Variants in MSRB2 observed in about 807,000 individuals in gnomAD.
The protein encoded by MSRB2 is methionine-R-sulfoxide reductase B2, mitochondrial.
MSRB2 carries 17 observed loss-of-function variants against 19.0 expected under a neutral mutation model. The ratio of observed to expected loss-of-function variants is 0.89; its 90% CI spans 0.61 to 1.34. The LOEUF (loss-of-function observed/expected upper bound fraction) is 1.34, where lower values mean the gene tolerates loss of function less well. Among genes scored for constraint, MSRB2 ranks in the 40% most tolerant of loss-of-function variants. The probability of loss-of-function intolerance (pLI) is 0.00; values close to 1 mark genes in which losing one functional copy is unlikely to be tolerated. For missense variants in MSRB2, 208 were observed against 237.6 expected (o/e 0.88, Z 0.82); for synonymous variants, 107 against 99.7 (o/e 1.07, Z -0.44).
intron 1 of MSRB2, among the ~76,000 whole-genome samples, chr10:23,102,998 A>G (rs1213018897): frequency 6.6e-6 from 1 of 152,202 alleles, no homozygotes; most frequent in Admixed American, 6.5e-5. Flanking sequence ...TAAAGATTGT[A>G]TTTAATAAAA....
chr10:23,114,982 T>C (rs1339488535), intron 3 of MSRB2, among the ~76,000 whole-genome samples: 1 of 152,120 alleles, frequency 6.6e-6, no homozygotes, highest in Admixed American at 6.5e-5. Context: ...CTGAGAGTGA[T>C]CCCAGCCAGT....
At chr10:23,099,771 A>G (rs1839906732) in intron 1 of MSRB2, among the ~76,000 whole-genome samples, 2 of 152,224 alleles carry the variant, frequency 1.3e-5, no homozygotes, top group African/African-American at 4.8e-5. Flanking sequence ...TGTCTGAAGA[A>G]CAGATAGTCA....
chr10:23,118,337 GTTTTTTTTT>G (rs35011086), intron 3 of MSRB2, among the ~76,000 whole-genome samples: 1 of 92,156 alleles, frequency 1.1e-5, no homozygotes, highest in Non-Finnish European at 2.0e-5. Flanking sequence ...TTAGTTTTTT[GTTTTTTTTT>G]TTTTTTTTTT....
intron 1 of MSRB2, among the ~76,000 whole-genome samples, chr10:23,096,373 T>TGTGTGTGTGTGTGTGTGTGTG (rs3838757): frequency 5.3e-5 from 8 of 151,704 alleles, no homozygotes; most frequent in South Asian, 2.1e-4. Flanking sequence ...TGTGTGTGTG[T>TGTGTGTGTGTGTGTGTGTGTG]TTCTGCTAAA....
chr10:23,101,626 TGG>T (rs951784442), intron 1 of MSRB2, among the ~76,000 whole-genome samples: 2 of 151,968 alleles, frequency 1.3e-5, no homozygotes, highest in Non-Finnish European at 2.9e-5. Flanking sequence ...TTCCTGAGAG[TGG>T]AAAAGGTTTA....
At chr10:23,110,927 A>G (rs1324933158) in intron 3 of MSRB2, among the ~76,000 whole-genome samples, 1 of 152,214 alleles carries the variant, frequency 6.6e-6, no homozygotes, top group Non-Finnish European at 1.5e-5. Flanking sequence ...GTCTTAAAAA[A>G]AAGTAGATTC....
In MSRB2 at chr10:23,095,713, A is replaced by G; in HGVS notation, c.105A>G (p.Gly35=). The part of the protein sequence containing the change: ...AGGGGPGTGP[G]LGEAGSLATC... Reference sequence around the variant, plus strand: ...GCGGCGGGCCCGGCACCGGGCCGGGACTGGGGGAGGCAGGTAGGACGCGGG... The same window carrying G: ...GCGGCGGGCCCGGCACCGGGCCGGGGCTGGGGGAGGCAGGTAGGACGCGGG... The change falls in exon 1 of 5, where the codon GGA becomes GGG. Residue 35 remains glycine, a synonymous_variant. Transcript: ENST00000376510. The G allele has an allele frequency of 1.6e-6, 2 of 1,278,574 alleles. No homozygotes were observed. The highest frequency in any genetic ancestry group is 3.2e-5 in the East Asian group (1 of 31,326). The allele number at this position is 1,278,574 out of a possible 1,614,324, so 79.2% of individuals were successfully genotyped here.
At chr10:23,116,473 T>C (rs183926339) in intron 3 of MSRB2, among the ~76,000 whole-genome samples, 1 of 152,330 alleles carries the variant, frequency 6.6e-6, no homozygotes. Flanking sequence ...AACATGCATG[T>C]AACATATGAC....
chr10:23,119,193 C>A, intron 3 of MSRB2, 111 bp from the exon 4 acceptor site: 1 of 1,352,612 alleles, frequency 7.4e-7, no homozygotes, highest in Non-Finnish European at 1.0e-6. Context: ...TGGGATCTGG[C>A]AGAGGAGAGT....
At chr10:23,099,570 A>G (rs145106334) in intron 1 of MSRB2, among the ~76,000 whole-genome samples, 138 of 152,330 alleles carry the variant, frequency 9.1e-4, no homozygotes, top group African/African-American at 3.3e-3. Flanking sequence ...AGAAAATATT[A>G]TGGCGTGGCA....
At chr10:23,109,187 G>T (rs765448802) in intron 2 of MSRB2, among the ~76,000 whole-genome samples, 3 of 152,098 alleles carry the variant, frequency 2.0e-5, no homozygotes, top group Admixed American at 6.5e-5. Context: ...CTTGTGCAAG[G>T]GTTGTTTTTT....
At chr10:23,108,448 C>T (rs539916692) in intron 2 of MSRB2, among the ~76,000 whole-genome samples, 1 of 151,428 alleles carries the variant, frequency 6.6e-6, no homozygotes, top group Non-Finnish European at 1.5e-5. Flanking sequence ...CATCTTCAGC[C>T]CAGGTGGGAA....
At chr10:23,114,965 C>A (rs1840095295) in intron 3 of MSRB2, among the ~76,000 whole-genome samples, 1 of 152,162 alleles carries the variant, frequency 6.6e-6, no homozygotes, top group Non-Finnish European at 1.5e-5. Flanking sequence ...GAAGACATAA[C>A]CAGCCTCTGA....
At chr10:23,120,729 G>T (rs1253775336) in intron 4 of MSRB2, 29 bp from the exon 5 acceptor site, 1 of 1,557,190 alleles carries the variant, frequency 6.4e-7, no homozygotes, top group Non-Finnish European at 8.8e-7. Flanking sequence ...TTTGCATTTG[G>T]AGATGACAGA....
intron 1 of MSRB2, among the ~76,000 whole-genome samples, chr10:23,099,368 TGAACAA>T (rs992754321): frequency 1.3e-5 from 2 of 152,186 alleles, no homozygotes; most frequent in African/African-American, 4.8e-5. Context: ...AATTGGTGCT[TGAACAA>T]GAACTAGTCT....
chr10:23,107,005 C>T (rs530275349), intron 2 of MSRB2, among the ~76,000 whole-genome samples: 1 of 152,182 alleles, frequency 6.6e-6, no homozygotes, highest in Non-Finnish European at 1.5e-5. Context: ...CTGACCCTGG[C>T]CCCTCCCTGT....
intron 3 of MSRB2, among the ~76,000 whole-genome samples, chr10:23,110,523 G>A (rs1840039638): frequency 6.6e-6 from 1 of 151,924 alleles, no homozygotes; most frequent in African/African-American, 2.4e-5. Flanking sequence ...AGCATTTAGA[G>A]CCATTAACAA....
intron 3 of MSRB2, among the ~76,000 whole-genome samples, chr10:23,111,223 G>A (rs192292690): frequency 3.3e-5 from 5 of 152,332 alleles, no homozygotes; most frequent in Admixed American, 1.3e-4. Flanking sequence ...AGATGGGCAG[G>A]CCTTTGCCCG....
chr10:23,120,252 T>C (rs1263034286), intron 4 of MSRB2, among the ~76,000 whole-genome samples: 1 of 152,140 alleles, frequency 6.6e-6, no homozygotes. Flanking sequence ...TAGGAGAGAG[T>C]GGCTTAAATC....
Sources: allele counts gnomAD v4.1 joint callset (sites outside exome capture counted in the v4.1 genomes callset), GRCh38; gene constraint gnomAD v4.1.1; transcripts MANE v1.5; gene names NCBI Gene and HGNC (gene_info 2026-07-23, HGNC 2026-07-21).